The following CDK14 variants were observed in gnomAD, a reference collection of about 807,000 sequenced individuals.
The protein encoded by CDK14 is cyclin-dependent kinase 14.
A neutral mutation model predicts 60.7 loss-of-function variants in CDK14; 34 were observed. The observed-to-expected ratio is 0.56, with a 90% CI of 0.43 to 0.75. The LOEUF is 0.75. Ranked by LOEUF, CDK14 falls within the 30% of genes least tolerant of loss-of-function variation. The pLI is 0.00. For missense variants in CDK14, 482 were observed against 564.1 expected, an observed-to-expected ratio of 0.85 and a Z score of 1.47; for synonymous variants, 197 against 203.7, an observed-to-expected ratio of 0.97 and a Z score of 0.28.
chr7:90,842,342 T>C (rs1048624345), intron 5 of CDK14, among the ~76,000 whole-genome samples: 1 of 152,174 alleles, frequency 6.6e-6, no homozygotes, highest in African/African-American at 2.4e-5. Context: ...GTGAAAACTT[T>C]GAAGAGTTTG....
intron 6 of CDK14, among the ~76,000 whole-genome samples, chr7:90,874,956 A>G (rs532810381): frequency 7.1e-4 from 108 of 152,294 alleles, no homozygotes; most frequent in Non-Finnish European, 1.5e-3. Flanking sequence ...AACCATTACT[A>G]CAACCTAATT....
intron 5 of CDK14, among the ~76,000 whole-genome samples, chr7:90,825,797 AT>A (rs1789701968): frequency 6.6e-6 from 1 of 152,220 alleles, no homozygotes; most frequent in Non-Finnish European, 1.5e-5. Context: ...CAATTTCTGT[AT>A]CGTAGATCTA....
chr7:90,781,607 A>G (rs1172686167), intron 4 of CDK14, among the ~76,000 whole-genome samples: 3 of 148,914 alleles, frequency 2.0e-5, no homozygotes, highest in Admixed American at 1.4e-4. Flanking sequence ...GGTGTAAGGA[A>G]AGGATCCAGT....
intron 8 of CDK14, among the ~76,000 whole-genome samples, chr7:90,923,064 A>C (rs896335601): frequency 9.3e-5 from 14 of 151,170 alleles, no homozygotes; most frequent in Non-Finnish European, 1.8e-4. Flanking sequence ...CTATAGTGTC[A>C]TTGATATAGT....
In CDK14 at chr7:90,820,129, A is replaced by C. The variant is rs558350769; in HGVS notation, c.544+29477A>C. On this transcript the variant is annotated intron_variant, in intron 5 of 14. Transcript: ENST00000380050. ...AGTTAAATTTGAATTTCATATAAGAAGTTAATATATTTTTTAGTATGAGTA... is the reference window on the plus strand; with the variant it reads ...AGTTAAATTTGAATTTCATATAAGACGTTAATATATTTTTTAGTATGAGTA... Among the ~76,000 whole-genome samples the C allele has an allele frequency of 2.6e-5, 4 of 152,272 alleles. No individual in the cohort carries two copies. The East Asian group carries it at 7.7e-4, about 29-fold the overall frequency.
chr7:90,823,042 T>C (rs550144821), intron 5 of CDK14, among the ~76,000 whole-genome samples: 1 of 152,310 alleles, frequency 6.6e-6, no homozygotes. Flanking sequence ...AGTGTGTTGC[T>C]CTTCCCAGTA....
At chr7:90,998,925 T>G (rs1304836279) in intron 10 of CDK14, among the ~76,000 whole-genome samples, 1 of 152,006 alleles carries the variant, frequency 6.6e-6, no homozygotes, top group African/African-American at 2.4e-5. Flanking sequence ...TAAATTTACT[T>G]CTTAGAGTTC....
chr7:91,114,798 A>C (rs1799560184), intron 13 of CDK14, among the ~76,000 whole-genome samples: 1 of 152,182 alleles, frequency 6.6e-6, no homozygotes, highest in Non-Finnish European at 1.5e-5. Flanking sequence ...TCCCAGTATT[A>C]AATACTATAG....
chr7:90,900,717 G>C (rs943051506), intron 7 of CDK14, among the ~76,000 whole-genome samples: 4 of 152,160 alleles, frequency 2.6e-5, no homozygotes, highest in African/African-American at 9.7e-5. Context: ...GAAATGAGCA[G>C]ATCCTCTGAG....
chr7:90,963,711 CTTT>C (rs34156393), intron 9 of CDK14, among the ~76,000 whole-genome samples: 1 of 123,094 alleles, frequency 8.1e-6, no homozygotes, highest in Non-Finnish European at 1.7e-5. Flanking sequence ...TTTTTCTTTT[CTTT>C]TTTTTTTTTT....
At chr7:91,113,285 A>T (rs1799522493) in intron 13 of CDK14, among the ~76,000 whole-genome samples, 1 of 152,236 alleles carries the variant, frequency 6.6e-6, no homozygotes, top group South Asian at 2.1e-4. Flanking sequence ...CATGTAATTC[A>T]TTTTAACTGC....
At chr7:90,713,072 ATAG>A (rs1802123627) in intron 2 of CDK14, among the ~76,000 whole-genome samples, 1 of 152,114 alleles carries the variant, frequency 6.6e-6, no homozygotes, top group Non-Finnish European at 1.5e-5. Flanking sequence ...TTTGACAGAA[ATAG>A]TAGAGGGTGT....
intron 12 of CDK14, among the ~76,000 whole-genome samples, chr7:91,100,384 A>C (rs1241263660): frequency 3.3e-5 from 5 of 152,214 alleles, no homozygotes; most frequent in Admixed American, 3.3e-4. Context: ...AAAGCAATGT[A>C]GTGAAGCAGT....
intron 5 of CDK14, among the ~76,000 whole-genome samples, chr7:90,848,691 C>G (rs1304607832): frequency 6.6e-6 from 1 of 152,114 alleles, no homozygotes; most frequent in Non-Finnish European, 1.5e-5. Flanking sequence ...CCACATTAGT[C>G]TTATCTGAAA....
At chr7:91,205,014 C>T (rs1035466641) in intron 14 of CDK14, among the ~76,000 whole-genome samples, 1 of 151,840 alleles carries the variant, frequency 6.6e-6, no homozygotes, top group Non-Finnish European at 1.5e-5. Flanking sequence ...AGTTCATACC[C>T]ACTAGGATGG....
At chr7:90,937,787 C>T (rs1256527706) in intron 8 of CDK14, among the ~76,000 whole-genome samples, 1 of 152,140 alleles carries the variant, frequency 6.6e-6, no homozygotes, top group African/African-American at 2.4e-5. Context: ...TTTGCCAACC[C>T]CTGTTCTAGA....
At chr7:90,639,630 C>T (rs1418552417) in intron 2 of CDK14, among the ~76,000 whole-genome samples, 11 of 147,982 alleles carry the variant, frequency 7.4e-5, no homozygotes, top group Admixed American at 1.4e-4. Flanking sequence ...TCTCCAGCTG[C>T]GTGCTGGGAG....
chr7:90,938,533 C>T (rs1330304267), intron 8 of CDK14, among the ~76,000 whole-genome samples: 1 of 152,066 alleles, frequency 6.6e-6, no homozygotes, highest in Non-Finnish European at 1.5e-5. Flanking sequence ...TCACATATTG[C>T]CAACAAATGA....
At chr7:91,060,639 T>C (rs1797752539) in intron 11 of CDK14, among the ~76,000 whole-genome samples, 1 of 152,200 alleles carries the variant, frequency 6.6e-6, no homozygotes, top group African/African-American at 2.4e-5. Flanking sequence ...TAAAGTATTT[T>C]ATTTCTCCTT....
Sources: gnomAD v4.1 joint callset for allele counts (sites outside exome capture counted in the v4.1 genomes callset) on GRCh38, gnomAD v4.1.1 for gene constraint, MANE v1.5 for transcripts, NCBI Gene and HGNC (gene_info 2026-07-23, HGNC 2026-07-21) for gene names.